The following SLC35F4 variants were observed in gnomAD, a reference collection of about 807,000 sequenced individuals.
SLC35F4 encodes solute carrier family 35 member F4.
Under a neutral mutation model 44.2 loss-of-function variants are expected in SLC35F4, and 24 were observed. That is an observed-to-expected ratio of 0.54 (90% confidence interval 0.39 to 0.76). The LOEUF (loss-of-function observed/expected upper bound fraction) is 0.76. Ranked by LOEUF, SLC35F4 falls within the 30% of genes least tolerant of loss-of-function variation. The probability of loss-of-function intolerance (pLI) is 0.00; values close to 1 mark genes in which losing one functional copy is unlikely to be tolerated. For synonymous variants in SLC35F4, 238 were observed against 223.6 expected (o/e 1.06, Z -0.57); for missense variants, 562 against 586.1 (o/e 0.96, Z 0.42).
chr14:57,759,350 T>A (rs1466637551), intron 1 of SLC35F4, among the ~76,000 whole-genome samples: 1 of 152,046 alleles, frequency 6.6e-6, no homozygotes, highest in Non-Finnish European at 1.5e-5. Flanking sequence ...GAGGGTGATG[T>A]GAGTGGATTG....
At chr14:57,855,995 C>A (rs920386976) in intron 1 of SLC35F4, among the ~76,000 whole-genome samples, 2 of 151,964 alleles carry the variant, frequency 1.3e-5, no homozygotes, top group Non-Finnish European at 2.9e-5. Flanking sequence ...ACAATGAGAA[C>A]ACATGGACAC....
chr14:57,951,943 C>A (rs1419724291), intron 1 of SLC35F4, among the ~76,000 whole-genome samples: 2 of 152,188 alleles, frequency 1.3e-5, no homozygotes, highest in East Asian at 3.9e-4. Context: ...TGCTAAGGGA[C>A]AGACTGCCTC....
chr14:57,689,058 C>T (rs1241158401), intron 1 of SLC35F4, among the ~76,000 whole-genome samples: 1 of 152,140 alleles, frequency 6.6e-6, no homozygotes, highest in Admixed American at 6.6e-5. Context: ...AAAAACACAT[C>T]ATCAAGAAAA....
chr14:57,789,240 G>A (rs918720498), intron 1 of SLC35F4, among the ~76,000 whole-genome samples: 4 of 152,042 alleles, frequency 2.6e-5, no homozygotes, highest in Non-Finnish European at 5.9e-5. Context: ...TAATGAAATA[G>A]ACCACTAGCC....
chr14:57,625,876 T>C (rs1028135311), intron 1 of SLC35F4, among the ~76,000 whole-genome samples: 6 of 152,182 alleles, frequency 3.9e-5, no homozygotes, highest in African/African-American at 1.4e-4. Context: ...CACACACGTA[T>C]GTTTATTGCG....
chr14:57,769,428 G>T (rs998414561), intron 1 of SLC35F4, among the ~76,000 whole-genome samples: 1 of 152,228 alleles, frequency 6.6e-6, no homozygotes, highest in East Asian at 1.9e-4. Flanking sequence ...TTCTTCCAAA[G>T]AAATACAAAA....
chr14:57,887,100 G>C (rs560849027), intron 1 of SLC35F4, among the ~76,000 whole-genome samples: 1 of 152,306 alleles, frequency 6.6e-6, no homozygotes, highest in East Asian at 1.9e-4. Context: ...GGGAATGCAG[G>C]AATAAAGCAG....
chr14:57,934,000 C>A (rs1257295796), intron 1 of SLC35F4, among the ~76,000 whole-genome samples: 2 of 152,104 alleles, frequency 1.3e-5, no homozygotes, highest in Admixed American at 1.3e-4. Flanking sequence ...TCATTTATAT[C>A]AATTTTTATT....
intron 1 of SLC35F4, among the ~76,000 whole-genome samples, chr14:57,796,336 T>C (rs1464889084): frequency 1.3e-5 from 2 of 152,218 alleles, no homozygotes; most frequent in African/African-American, 4.8e-5. Context: ...ATTACAGGTT[T>C]TTATATCTGA....
chr14:57,588,452 T>A (rs544492495), intron 3 of SLC35F4, among the ~76,000 whole-genome samples: 1 of 152,054 alleles, frequency 6.6e-6, no homozygotes, highest in African/African-American at 2.4e-5. Context: ...CTAGCAAAGG[T>A]ACTTGGACCC....
At chr14:57,715,292 T>A (rs118037889) in intron 1 of SLC35F4, among the ~76,000 whole-genome samples, 2,041 of 152,234 alleles carry the variant, frequency 0.013, 25 homozygotes, top group South Asian at 0.059. Flanking sequence ...ACAAGTTGAA[T>A]AGGAAAGGAA....
chr14:57,581,193 T>C lies in SLC35F4; in HGVS notation c.807+21A>G, dbSNP rs755497705. 17 of 1,495,952 alleles carry C rather than the reference T, an allele frequency of 1.1e-5. No homozygotes were observed. In the African/African-American group the frequency reaches 1.6e-4, roughly 14 times the overall value. 92.7% of individuals were successfully genotyped at this position (1,495,952 alleles called of 1,614,324 possible). On this transcript the variant is annotated intron_variant, in intron 4 of 7. Coordinates refer to ENST00000556826, the MANE Select transcript of SLC35F4 (RefSeq NM_001306087.2). ...TTATGAAAAAGGCAGGCATCGCGCA[T>C]TGAATCAAGTATGCCATTACCCTCA...
At chr14:57,670,130 A>G (rs1472677429) in intron 1 of SLC35F4, among the ~76,000 whole-genome samples, 2 of 152,142 alleles carry the variant, frequency 1.3e-5, no homozygotes, top group Non-Finnish European at 2.9e-5. Context: ...AGGTGTTTAT[A>G]GTATTCTCTG....
At chr14:57,599,809 A>AG (rs1358523634) in intron 1 of SLC35F4, among the ~76,000 whole-genome samples, 1 of 151,222 alleles carries the variant, frequency 6.6e-6, no homozygotes, top group Non-Finnish European at 1.5e-5. Flanking sequence ...CTTGAAAAAA[A>AG]AAAAAAAAAA....
At chr14:57,702,255 C>G (rs1016690949) in intron 1 of SLC35F4, among the ~76,000 whole-genome samples, 6 of 151,522 alleles carry the variant, frequency 4.0e-5, no homozygotes, top group African/African-American at 1.2e-4. Flanking sequence ...CCTTTACCCC[C>G]CTGAATACGC....
At chr14:57,912,774 T>TTA (rs1271010195) in intron 1 of SLC35F4, among the ~76,000 whole-genome samples, 1 of 152,066 alleles carries the variant, frequency 6.6e-6, no homozygotes, top group African/African-American at 2.4e-5. Context: ...TAGATGTCAA[T>TTA]TATATCTACT....
At chr14:57,947,973 T>C (rs950726303) in intron 1 of SLC35F4, among the ~76,000 whole-genome samples, 1 of 152,220 alleles carries the variant, frequency 6.6e-6, no homozygotes, top group Non-Finnish European at 1.5e-5. Context: ...TCAGAGGTAT[T>C]GGTCTATAGT....
intron 1 of SLC35F4, among the ~76,000 whole-genome samples, chr14:57,958,537 T>G (rs997347197): frequency 3.3e-5 from 5 of 149,486 alleles, no homozygotes; most frequent in African/African-American, 5.1e-5. Flanking sequence ...GGATACAGAG[T>G]TTCTTTCTAG....
At chr14:57,570,106 T>C in intron 5 of SLC35F4, 126 bp from the exon 6 acceptor site, 1 of 802,204 alleles carries the variant, frequency 1.2e-6, no homozygotes, top group East Asian at 2.8e-5. Context: ...TGCCCTGACA[T>C]CTTCACAGCA....
Sources: allele counts gnomAD v4.1 joint callset (sites outside exome capture counted in the v4.1 genomes callset), GRCh38; gene constraint gnomAD v4.1.1; transcripts MANE v1.5; gene names NCBI Gene and HGNC (gene_info 2026-07-23, HGNC 2026-07-21).